The following NET1 variants were observed in gnomAD, a reference collection of about 807,000 sequenced individuals.
NET1 encodes neuroepithelial cell transforming 1, also known as neuroepithelial cell-transforming gene 1 protein.
NET1 carries 42 observed loss-of-function variants against 61.1 expected under a neutral mutation model. That is an observed-to-expected ratio of 0.69 (90% CI 0.54 to 0.89). The LOEUF is 0.89. NET1 is among the 40% of genes least tolerant of loss of function. The pLI, the probability that NET1 is intolerant of heterozygous loss-of-function variation, is 0.00. For synonymous variants in NET1, 254 were observed against 281.8 expected (o/e 0.90, Z 0.99); for missense variants, 654 against 747.3 (o/e 0.88, Z 1.46).
Position 5,451,937 on chromosome 10 carries a change from G to T in NET1, c.363G>T (p.Gln121His). 1 of 1,608,922 alleles carries T rather than the reference G, an allele frequency of 6.2e-7. No homozygotes were observed. The highest frequency in any genetic ancestry group is 1.1e-5 in the South Asian group (1 of 90,912). The part of the protein sequence containing the change: ...GAVRRFGQTI[Q>H]SFTLRGDHRS... The stretch of plus-strand genomic sequence containing the variant: ...TCAGACGTTTTGGTCAAACAATACA[G>T]GTAAAAAGAGAGGAGGAAGAGTAAT... The change falls in exon 4 of 12, where the codon CAG becomes CAT. Residue 121 changes from glutamine to histidine, a missense_variant and splice_region_variant. Physicochemically the swap from Gln to His is conservative, Grantham distance 24 (BLOSUM62 0). Coordinates refer to ENST00000355029, the MANE Select transcript of NET1 (RefSeq NM_001047160.3). The surrounding 1 kb of genome is among the most constrained non-coding windows in gnomAD (Gnocchi z 6.1).
chr10:5,429,443 A>C (rs775584005), intron 3 of NET1, among the ~76,000 whole-genome samples: 1 of 152,194 alleles, frequency 6.6e-6, no homozygotes, highest in African/African-American at 2.4e-5. Context: ...ACCACTCTCA[A>C]AATGTTAGGC....
At position 5,427,957 on chromosome 10, in the gene NET1, G is replaced by A. The variant is rs975949148; in HGVS notation, c.196-1213G>A. On this transcript the variant is annotated intron_variant, in intron 2 of 11. Transcript: ENST00000355029. The surrounding 1 kb of genome is among the most constrained non-coding windows in gnomAD (Gnocchi z 4.1). ...TTTTCTGACTTCACAACCCTCCTTC[G>A]TGTTGTTTTTTATGGTAGCTTGCTT... Among the ~76,000 whole-genome samples the A allele has an allele frequency of 2.7e-5, 4 of 150,362 alleles. No individual in the cohort carries two copies. Among genetic ancestry groups the A allele is most frequent in the Non-Finnish European group, 4.4e-5 (3 of 67,816 alleles).
Position 5,454,874 on chromosome 10 carries a change from C to A in NET1, c.1027-74C>A. 7.1e-7 allele frequency: 1 copy of A among 1,404,100 alleles called. No individual in the cohort carries two copies. Among genetic ancestry groups the A allele is most frequent in the Non-Finnish European group, 1.0e-6 (1 of 1,003,292 alleles). 87.0% of individuals were successfully genotyped at this position (1,404,100 alleles called of 1,614,324 possible). ...TTTAAAGTTCTTCCATTCCATATGA[C>A]ATTTTTGCTCTGCAGGAAGCAGAAT... On this transcript the variant is annotated intron_variant, in intron 9 of 11. Transcript: ENST00000355029. This position sits in a 1 kb window ranked among gnomAD's most constrained non-coding sequence, Gnocchi z 8.1.
chr10:5,423,030 TTTTA>T lies in NET1; in HGVS notation c.129-3620_129-3617del, dbSNP rs1267732448. Reference sequence around the variant, plus strand: ...ATGTTTGGCATTTACAGATTACATTTTTTATTTAATTGGAAAAAATGTTATTTTT... The same window carrying T: ...ATGTTTGGCATTTACAGATTACATTTTTTAATTGGAAAAAATGTTATTTTT... On this transcript the variant is annotated intron_variant, in intron 1 of 11. Coordinates refer to ENST00000355029, the MANE Select transcript of NET1 (RefSeq NM_001047160.3). This position sits in a 1 kb window ranked among gnomAD's most constrained non-coding sequence, Gnocchi z 4.4. Among the ~76,000 whole-genome samples the T allele has an allele frequency of 6.6e-6, 1 of 152,196 alleles. No homozygotes were observed. The highest frequency in any genetic ancestry group is 1.5e-5 in the Non-Finnish European group (1 of 68,022).
Position 5,456,334 on chromosome 10 carries a change from T to C in NET1, c.1384+61T>C. On this transcript the variant is annotated intron_variant, in intron 11 of 11. Transcript: ENST00000355029. This position sits in a 1 kb window ranked among gnomAD's most constrained non-coding sequence, Gnocchi z 7.0. Reference sequence around the variant, plus strand: ...AAGCTCAGAACTGAAGTGAATTTAGTTTTGCCTTTAAGAATTCTAGAGATG... The same window carrying C: ...AAGCTCAGAACTGAAGTGAATTTAGCTTTGCCTTTAAGAATTCTAGAGATG... The C allele has an allele frequency of 3.5e-6, 5 of 1,446,040 alleles. No individual in the cohort carries two copies. The highest frequency in any genetic ancestry group is 4.6e-6 in the Non-Finnish European group (5 of 1,084,924). 89.6% of individuals were successfully genotyped at this position (1,446,040 alleles called of 1,614,324 possible).
In NET1 at chr10:5,412,880, A is replaced by T. The variant is rs1355894033; in HGVS notation, c.128+60A>T. On this transcript the variant is annotated intron_variant, in intron 1 of 11. Transcript: ENST00000355029. This position sits in a 1 kb window ranked among gnomAD's most constrained non-coding sequence, Gnocchi z 6.5. ...TGAGTGTAGGGGAGCGGAGGGCCGA[A>T]CGGGAGGTGAGTGTTGGAGAGGCAA... is the stretch of plus-strand genomic sequence containing the variant. 1.1e-6 allele frequency: 1 copy of T among 934,804 alleles called. No homozygotes were observed. Among genetic ancestry groups the T allele is most frequent in the African/African-American group, 1.9e-5 (1 of 51,966 alleles). The allele number at this position is 934,804 out of a possible 1,614,324, so 57.9% of individuals were successfully genotyped here. A position where few individuals can be genotyped will look rare whatever the true frequency, so the allele number is the denominator to read the frequency against.
In NET1 at chr10:5,427,962, GT is replaced by G. The variant is rs1832283194; in HGVS notation, c.196-1202del. On this transcript the variant is annotated intron_variant, in intron 2 of 11. Transcript: ENST00000355029. This position sits in a 1 kb window ranked among gnomAD's most constrained non-coding sequence, Gnocchi z 4.1. ...TGACTTCACAACCCTCCTTCGTGTTGTTTTTTATGGTAGCTTGCTTTCTGAG... is the reference window on the plus strand; with the variant it reads ...TGACTTCACAACCCTCCTTCGTGTTGTTTTTATGGTAGCTTGCTTTCTGAG... Among the ~76,000 whole-genome samples the G allele has an allele frequency of 6.8e-6, 1 of 148,062 alleles. No individual in the cohort carries two copies. The highest frequency in any genetic ancestry group is 1.5e-5 in the Non-Finnish European group (1 of 67,294).
intron 3 of NET1, among the ~76,000 whole-genome samples, chr10:5,436,182 TGTGTTGTGTGTGTGTGTGTG>T (rs1832427980): frequency 1.8e-5 from 1 of 55,300 alleles, no homozygotes; most frequent in Admixed American, 2.1e-4. Flanking sequence ...TGTGTGTGTG[TGTGTTGTGTGTGTGTGTGTG>T]TGTGTGTGTG....
rs1433836438 is a variant in NET1, at chr10:5,444,360, C to T, written c.256-7470C>T. Among the ~76,000 whole-genome samples the T allele has an allele frequency of 6.6e-6, 1 of 152,214 alleles. No individual in the cohort carries two copies. Among genetic ancestry groups the T allele is most frequent in the Non-Finnish European group, 1.5e-5 (1 of 68,044 alleles). On this transcript the variant is annotated intron_variant, in intron 3 of 11. Coordinates refer to ENST00000355029, the MANE Select transcript of NET1 (RefSeq NM_001047160.3). This position sits in a 1 kb window ranked among gnomAD's most constrained non-coding sequence, Gnocchi z 5.3. ...GTCCTTCCTGCAAGAAGTAGCAACT[C>T]TCCTGCAAACCTTAGGCAATTACTT...
chr10:5,432,157 C>G (rs1451816132), intron 3 of NET1, among the ~76,000 whole-genome samples: 4 of 152,120 alleles, frequency 2.6e-5, no homozygotes, highest in African/African-American at 9.7e-5. Flanking sequence ...TGGGAATACT[C>G]CCTTCTACTG....
In NET1 at chr10:5,422,318, CAG is replaced by C. The variant is rs1233619417; in HGVS notation, c.129-4334_129-4333del. Among the ~76,000 whole-genome samples the C allele has an allele frequency of 6.6e-6, 1 of 150,608 alleles. No homozygotes were observed. The highest frequency in any genetic ancestry group is 1.5e-5 in the Non-Finnish European group (1 of 67,836). ...TACCACTGCACTCCAGCCTGGGTGA[CAG>C]AGCAAAACTCCGTCTCAAAAAAAAA... On this transcript the variant is annotated intron_variant, in intron 1 of 11. Transcript: ENST00000355029. This position sits in a 1 kb window ranked among gnomAD's most constrained non-coding sequence, Gnocchi z 4.1.
At chr10:5,430,875 C>CTT (rs71294427) in intron 3 of NET1, among the ~76,000 whole-genome samples, 1,407 of 137,612 alleles carry the variant, frequency 0.01, 24 homozygotes, top group Admixed American at 0.041. Context: ...AACTATATCT[C>CTT]TTTTTTTTTT....
At position 5,443,398 on chromosome 10, in the gene NET1, G is replaced by A. The variant is rs76885407; in HGVS notation, c.256-8432G>A. ...GAGATAATAAGTACTTCATAGAGTT[G>A]ATTAAATAACATATAGAACTCTAGC... is the stretch of plus-strand genomic sequence containing the variant. On this transcript the variant is annotated intron_variant, in intron 3 of 11. Coordinates refer to ENST00000355029, the MANE Select transcript of NET1 (RefSeq NM_001047160.3). The surrounding 1 kb of genome is among the most constrained non-coding windows in gnomAD (Gnocchi z 4.8). 0.043 allele frequency among the ~76,000 whole-genome samples: 6,510 copies of A among 152,284 alleles called. 204 individuals are homozygous for A. The highest frequency in any genetic ancestry group is 0.15 in the South Asian group (738 of 4,822).
rs185876123 is a variant in NET1 at position 5,415,156 on chromosome 10, G to A, written c.128+2336G>A. ...AAATCATAAGGAAAAAGATTTGTGT[G>A]TATGATTATGTGACTATTGAAAAAC... On this transcript the variant is annotated intron_variant, in intron 1 of 11. Transcript: ENST00000355029. The surrounding 1 kb of genome is among the most constrained non-coding windows in gnomAD (Gnocchi z 4.7). Among the ~76,000 whole-genome samples, 680 of 152,308 alleles carry A rather than the reference G, an allele frequency of 4.5e-3. 16 individuals carry two copies. The highest frequency in any genetic ancestry group is 0.039 in the Admixed American group (601 of 15,306).
Position 5,412,883 on chromosome 10 carries a change from G to A in NET1, c.128+63G>A. ...GTGTAGGGGAGCGGAGGGCCGAACGGGAGGTGAGTGTTGGAGAGGCAAGGG... is the reference window on the plus strand; with the variant it reads ...GTGTAGGGGAGCGGAGGGCCGAACGAGAGGTGAGTGTTGGAGAGGCAAGGG... On this transcript the variant is annotated intron_variant, in intron 1 of 11. Transcript: ENST00000355029. This position sits in a 1 kb window ranked among gnomAD's most constrained non-coding sequence, Gnocchi z 6.5. 7.7e-7 allele frequency: 1 copy of A among 1,299,284 alleles called. No homozygotes were observed. Among genetic ancestry groups the A allele is most frequent in the African/African-American group, 1.6e-5 (1 of 64,116 alleles). 80.5% of individuals were successfully genotyped at this position (1,299,284 alleles called of 1,614,324 possible).
chr10:5,413,354 A>G (rs112657066), intron 1 of NET1, among the ~76,000 whole-genome samples: 6 of 152,338 alleles, frequency 3.9e-5, no homozygotes, highest in East Asian at 1.9e-4. Flanking sequence ...ACTAAGGGAT[A>G]AGTTGACTTC....
chr10:5,436,242 A>C (rs1832434368), intron 3 of NET1, among the ~76,000 whole-genome samples: 1 of 23,490 alleles, frequency 4.3e-5, no homozygotes, highest in Non-Finnish European at 9.1e-5. Flanking sequence ...ATATATATAT[A>C]TATATATTTT....
At chr10:5,432,468 G>A (rs949430696) in intron 3 of NET1, among the ~76,000 whole-genome samples, 1 of 152,028 alleles carries the variant, frequency 6.6e-6, no homozygotes, top group South Asian at 2.1e-4. Context: ...AAACCTATAG[G>A]TTATAACATA....
chr10:5,412,575 G>C lies in NET1; in HGVS notation c.-118G>C, dbSNP rs962083936. On this transcript the variant is annotated 5_prime_UTR_variant, in exon 1 of 12. Coordinates refer to ENST00000355029, the MANE Select transcript of NET1 (RefSeq NM_001047160.3). This position sits in a 1 kb window ranked among gnomAD's most constrained non-coding sequence, Gnocchi z 6.5. The stretch of plus-strand genomic sequence containing the variant: ...CATTTTCAAATCCCCGGATGACGGC[G>C]GTGGCGGCTGCAGTCCGCTGACAGG... 9.2e-7 allele frequency: 1 copy of C among 1,083,726 alleles called. No individual in the cohort carries two copies. The allele number at this position is 1,083,726 out of a possible 1,614,324, so 67.1% of individuals were successfully genotyped here.
Sources: gnomAD v4.1 joint callset for allele counts (sites outside exome capture counted in the v4.1 genomes callset) on GRCh38, gnomAD v4.1.1 for gene constraint, Gnocchi (gnomAD v3.1) non-coding constraint, MANE v1.5 for transcripts, NCBI Gene and HGNC (gene_info 2026-07-23, HGNC 2026-07-21) for gene names.